Variants in UNC79 observed in about 807,000 individuals in gnomAD.
The protein encoded by UNC79 is protein unc-79 homolog.
UNC79 carries 37 observed loss-of-function variants against 283.1 expected under a neutral mutation model. The observed-to-expected ratio is 0.13, with a 90% confidence interval of 0.10 to 0.17. UNC79 has a LOEUF of 0.17. Ranked by LOEUF, UNC79 falls within the 10% of genes least tolerant of loss-of-function variation. The probability of loss-of-function intolerance (pLI) is 1.00; values close to 1 mark genes in which losing one functional copy is unlikely to be tolerated. For missense variants in UNC79, 2,272 were observed against 3,211.1 expected (o/e 0.71, Z 7.07); for synonymous variants, 1,107 against 1,200.2 (o/e 0.92, Z 1.61).
intron 32 of UNC79, among the ~76,000 whole-genome samples, chr14:93,639,172 G>T (rs2068791230): frequency 6.6e-6 from 1 of 152,098 alleles, no homozygotes; most frequent in Non-Finnish European, 1.5e-5. Context: ...TCTTCTGAAA[G>T]GCTTGACTCA....
intron 1 of UNC79, among the ~76,000 whole-genome samples, chr14:93,439,505 T>C (rs991162522): frequency 5.9e-5 from 9 of 152,104 alleles, no homozygotes; most frequent in African/African-American, 2.2e-4. Context: ...ATTTTAAGAA[T>C]TTTTGCATTG....
downstream of UNC79, chr14:93,707,180 A>T: frequency 3.0e-6 from 1 of 330,336 alleles, no homozygotes. Flanking sequence ...TTTTTTTAAG[A>T]AAAAAAAATA....
chr14:93,587,530 C>G (rs1017907088), intron 22 of UNC79, among the ~76,000 whole-genome samples: 1 of 152,176 alleles, frequency 6.6e-6, no homozygotes, highest in African/African-American at 2.4e-5. Context: ...CATTGAGGCT[C>G]TATCTTTCTT....
At chr14:93,544,289 T>C (rs2061502018) in intron 14 of UNC79, among the ~76,000 whole-genome samples, 1 of 152,170 alleles carries the variant, frequency 6.6e-6, no homozygotes, top group South Asian at 2.1e-4. Context: ...AAATAAAAGA[T>C]TTATATATCA....
At chr14:93,637,009 T>A (rs919593089) in intron 31 of UNC79, among the ~76,000 whole-genome samples, 1 of 152,164 alleles carries the variant, frequency 6.6e-6, no homozygotes, top group East Asian at 1.9e-4. Context: ...CTGCTTTTAG[T>A]TGCATTTCAT....
chr14:93,637,638 A>G (rs536400120), intron 32 of UNC79, among the ~76,000 whole-genome samples: 1 of 152,232 alleles, frequency 6.6e-6, no homozygotes, highest in Admixed American at 6.5e-5. Context: ...TTGTACTTTT[A>G]GTAGAGATGA....
chr14:93,413,756 T>C, intron 1 of UNC79, among the ~76,000 whole-genome samples: 1 of 123,330 alleles, frequency 8.1e-6, no homozygotes, highest in Non-Finnish European at 1.7e-5. Context: ...GTGGTTTTGA[T>C]TTGCATTTCT....
chr14:93,370,369 CA>C (rs375102613), intron 1 of UNC79, among the ~76,000 whole-genome samples: 1 of 151,262 alleles, frequency 6.6e-6, no homozygotes, highest in Non-Finnish European at 1.5e-5. Context: ...AAGAAAGAGC[CA>C]AAAAAAAGTG....
intron 1 of UNC79, among the ~76,000 whole-genome samples, chr14:93,348,514 C>G (rs140727934): frequency 6.6e-6 from 1 of 152,068 alleles, no homozygotes; most frequent in African/African-American, 2.4e-5. Context: ...AGATGTGTAG[C>G]TGTGAGGTAA....
intron 1 of UNC79, among the ~76,000 whole-genome samples, chr14:93,405,570 T>A (rs1219006438): frequency 6.6e-6 from 1 of 152,166 alleles, no homozygotes; most frequent in Non-Finnish European, 1.5e-5. Context: ...CAAACATTGA[T>A]CACCTTTCCA....
chr14:93,370,397 CTG>C (rs34799524), intron 1 of UNC79, among the ~76,000 whole-genome samples: 16,151 of 152,254 alleles, frequency 0.11, 887 homozygotes, highest in Middle Eastern at 0.17. Flanking sequence ...ATCAAAAACA[CTG>C]TAACAGAAAT....
rs985698243 is a variant in UNC79, at chr14:93,348,003, C to T, written c.-351+14480C>T. Reference sequence around the variant, plus strand: ...CACTGGCCTAGGAAGCCATACTCAGCAGCGCGTGTCATCTTCTCTTCCAGG... The same window carrying T: ...CACTGGCCTAGGAAGCCATACTCAGTAGCGCGTGTCATCTTCTCTTCCAGG... On this transcript the variant is annotated intron_variant, in intron 1 of 49. Transcript: ENST00000256339. The T allele has an allele frequency of 4.9e-6, 7 of 1,430,152 alleles. No homozygotes were observed. The Admixed American group carries it at 5.0e-5, about 10-fold the overall frequency. The allele number at this position is 1,430,152 out of a possible 1,614,324, so 88.6% of individuals were successfully genotyped here. A position where few individuals can be genotyped will look rare whatever the true frequency, so the allele number is the denominator to read the frequency against.
chr14:93,561,942 G>T (rs1036987090), intron 14 of UNC79, among the ~76,000 whole-genome samples: 10 of 152,182 alleles, frequency 6.6e-5, no homozygotes, highest in Non-Finnish European at 1.3e-4. Flanking sequence ...CCAAGTAGTG[G>T]GGGTGACTGC....
At chr14:93,624,542 T>G (rs769797681) in intron 30 of UNC79, among the ~76,000 whole-genome samples, 28 of 152,170 alleles carry the variant, frequency 1.8e-4, no homozygotes, top group Admixed American at 1.1e-3. Flanking sequence ...CATGCAGGTT[T>G]GTGTGTGCAA....
intron 45 of UNC79, chr14:93,691,347 C>T (rs192937189): frequency 4.1e-4 from 97 of 235,724 alleles, no homozygotes; most frequent in African/African-American, 2.0e-3. Context: ...TCACGTATAT[C>T]ACCTGCTTTA....
intron 27 of UNC79, among the ~76,000 whole-genome samples, chr14:93,613,368 G>A (rs115979338): frequency 0.023 from 3,548 of 151,790 alleles, 137 homozygotes; most frequent in African/African-American, 0.082. Context: ...CATATGAAGA[G>A]TGTCTGTACC....
chr14:93,704,495 C>T, intron 47 of UNC79, 130 bp from the exon 51 acceptor site: 1 of 1,069,064 alleles, frequency 9.4e-7, no homozygotes, highest in Non-Finnish European at 1.4e-6. Context: ...ACGGGTAGCC[C>T]TGCAGCAGGG....
At chr14:93,410,943 G>T (rs973460136) in intron 1 of UNC79, among the ~76,000 whole-genome samples, 3 of 151,986 alleles carry the variant, frequency 2.0e-5, no homozygotes, top group Admixed American at 6.6e-5. Flanking sequence ...AAGAAAAGCA[G>T]ACTTTGGCTT....
intron 22 of UNC79, among the ~76,000 whole-genome samples, chr14:93,589,888 C>A (rs2064529120): frequency 6.6e-6 from 1 of 152,150 alleles, no homozygotes; most frequent in Non-Finnish European, 1.5e-5. Flanking sequence ...CATAGCAAGA[C>A]CCCATCTCTG....
Sources: gnomAD v4.1 joint callset for allele counts (sites outside exome capture counted in the v4.1 genomes callset) on GRCh38, gnomAD v4.1.1 for gene constraint, MANE v1.5 for transcripts, NCBI Gene and HGNC (gene_info 2026-07-23, HGNC 2026-07-21) for gene names.